MMD2: variants seen among roughly 807,000 people sequenced by gnomAD.
MMD2 encodes monocyte to macrophage differentiation associated 2.
In MMD2, 30 loss-of-function variants were observed where a neutral mutation model predicts 33.5. The observed-to-expected ratio is 0.90, with a 90% CI of 0.67 to 1.22. The LOEUF is 1.22. Ranked by LOEUF, MMD2 falls within the 50% of genes most tolerant of loss-of-function variation. The pLI is 0.00. For synonymous variants in MMD2, 129 were observed against 123.0 expected (o/e 1.05, Z -0.32); for missense variants, 364 against 325.4 (o/e 1.12, Z -0.91).
At chr7:4,894,191 C>T in the MMD2 span, among the ~76,000 whole-genome samples, 1 of 152,136 alleles carries the variant, frequency 6.6e-6, no homozygotes, top group African/African-American at 2.4e-5. This position sits in a 1 kb window ranked among gnomAD's most constrained non-coding sequence, Gnocchi z 4.3. Context: ...TCATAAAAGG[C>T]AACAGTCTCC....
intron 1 of MMD2, among the ~76,000 whole-genome samples, chr7:4,958,512 C>T (rs2942549): frequency 0.34 from 52,232 of 152,000 alleles, 10,242 homozygotes; most frequent in Non-Finnish European, 0.45. Flanking sequence ...TTACTCTTTC[C>T]TCCGACTTGC....
At position 4,929,495 on chromosome 7, in the gene MMD2, A is replaced by ATGTT. The variant is rs372195919; in HGVS notation, c.48-3967_48-3964dup. Among the ~76,000 whole-genome samples the ATGTT allele has an allele frequency of 3.6e-3, 546 of 151,716 alleles. 2 individuals are homozygous for ATGTT. Among genetic ancestry groups the ATGTT allele is most frequent in the African/African-American group, 0.012 (489 of 41,370 alleles). On this transcript the variant is annotated intron_variant, in intron 1 of 6. Transcript: ENST00000401401. The stretch of plus-strand genomic sequence containing the variant: ...AGCTGCCTGTGGCCAAGACTGGCTT[A>ATGTT]TGTTTGTTTGTTTGTTTGTTTTTTG...
intron 1 of MMD2, 36 bp downstream of exon 1, chr7:4,958,935 C>T (rs916799222): frequency 2.1e-5 from 27 of 1,290,416 alleles, no homozygotes; most frequent in Admixed American, 8.2e-5. Context: ...CGCGCCCCTC[C>T]CTCCCTCCCC....
Position 4,958,776 on chromosome 7 carries a change from G to A in MMD2, c.47+195C>T, listed in dbSNP as rs369939195. ...CCAATGGCACCCAGCGAGGAGGCGC[G>A]GGCGCCCCGGTTACTCCATCCCAGC... On this transcript the variant is annotated intron_variant, in intron 1 of 6. Coordinates refer to ENST00000401401, the MANE Select transcript of MMD2 (RefSeq NM_198403.4). Among the ~76,000 whole-genome samples, 6 of 152,316 alleles carry A rather than the reference G, an allele frequency of 3.9e-5. No homozygotes were observed. The South Asian group carries it at 8.3e-4, about 21-fold the overall frequency.
In MMD2 at chr7:4,911,073, G is replaced by C; in HGVS notation, c.467+72C>G. 4.7e-6 allele frequency: 6 copies of C among 1,268,198 alleles called. No homozygotes were observed. The South Asian group carries it at 7.7e-5, about 16-fold the overall frequency. 78.6% of individuals were successfully genotyped at this position (1,268,198 alleles called of 1,614,324 possible). A position where few individuals can be genotyped will look rare whatever the true frequency, so the allele number is the denominator to read the frequency against. On this transcript the variant is annotated intron_variant, in intron 5 of 6. Coordinates refer to ENST00000401401, the MANE Select transcript of MMD2 (RefSeq NM_198403.4). ...ATGAGATCATCCTGGACTCTCGGCA[G>C]CCCAGGAGTGCTGGGGAGGCCAGAG...
chr7:4,905,118 G>C (rs993761826), downstream of MMD2, among the ~76,000 whole-genome samples: 1 of 152,182 alleles, frequency 6.6e-6, no homozygotes, highest in African/African-American at 2.4e-5. The surrounding 1 kb of genome is among the most constrained non-coding windows in gnomAD (Gnocchi z 5.0). Context: ...ATGCCCAGGA[G>C]GAGGGGGCAC....
intron 1 of MMD2, among the ~76,000 whole-genome samples, chr7:4,926,075 G>T (rs902893051): frequency 6.6e-6 from 1 of 152,060 alleles, no homozygotes; most frequent in African/African-American, 2.4e-5. Context: ...CCAAGTGCTG[G>T]GATTACAGGC....
chr7:4,894,024 A>T, the MMD2 span, among the ~76,000 whole-genome samples: 21 of 152,000 alleles, frequency 1.4e-4, no homozygotes, highest in African/African-American at 4.8e-4. This position sits in a 1 kb window ranked among gnomAD's most constrained non-coding sequence, Gnocchi z 4.3. Context: ...CTCCTATCTC[A>T]TCCTGTGACT....
At chr7:4,930,936 C>T (rs987541635) in intron 1 of MMD2, among the ~76,000 whole-genome samples, 1 of 151,524 alleles carries the variant, frequency 6.6e-6, no homozygotes, top group African/African-American at 2.4e-5. Context: ...CTGCAACCTT[C>T]GCCTCCTGGG....
At chr7:4,916,153 C>T in intron 3 of MMD2, 74 bp from the exon 4 acceptor site, 3 of 1,426,586 alleles carry the variant, frequency 2.1e-6, no homozygotes, top group Admixed American at 3.5e-5. Flanking sequence ...GAGCCGTGCC[C>T]TGGACTGATC....
chr7:4,951,293 C>G (rs1212033710), intron 1 of MMD2, among the ~76,000 whole-genome samples: 1 of 152,036 alleles, frequency 6.6e-6, no homozygotes, highest in African/African-American at 2.4e-5. Context: ...CTTTTAAACC[C>G]TCAGTTTAAA....
downstream of MMD2, among the ~76,000 whole-genome samples, chr7:4,901,139 T>TA (rs34911631): frequency 0.32 from 42,376 of 133,996 alleles, 6,390 homozygotes; most frequent in East Asian, 0.48. Context: ...AAACACTATC[T>TA]AAAAAAAAAG....
chr7:4,915,064 G>A (rs1785106532), intron 4 of MMD2, among the ~76,000 whole-genome samples: 1 of 152,154 alleles, frequency 6.6e-6, no homozygotes, highest in African/African-American at 2.4e-5. Flanking sequence ...CTTGAGGCCA[G>A]GAGTTCAAGA....
intron 6 of MMD2, 118 bp from the exon 7 acceptor site, chr7:4,907,717 C>T (rs1784900068): frequency 4.5e-6 from 4 of 889,192 alleles, no homozygotes; most frequent in Admixed American, 2.2e-5. Context: ...CCAGCCCAGA[C>T]TCCCAGGTGG....
chr7:4,936,744 TA>T (rs557080618), intron 1 of MMD2, among the ~76,000 whole-genome samples: 19 of 152,158 alleles, frequency 1.2e-4, no homozygotes, highest in African/African-American at 4.3e-4. Flanking sequence ...TATTTTATTT[TA>T]TTTTTTTGAG....
At chr7:4,931,147 G>C (rs575337153) in intron 1 of MMD2, among the ~76,000 whole-genome samples, 1 of 152,152 alleles carries the variant, frequency 6.6e-6, no homozygotes, top group South Asian at 2.1e-4. Flanking sequence ...CACTGTGCCC[G>C]GCCTTTGTTG....
At chr7:4,942,569 A>G (rs1219360340) in intron 1 of MMD2, among the ~76,000 whole-genome samples, 2 of 150,406 alleles carry the variant, frequency 1.3e-5, no homozygotes, top group Non-Finnish European at 3.0e-5. Context: ...ACCCGGCCCT[A>G]GGAGGACATT....
chr7:4,937,342 A>T (rs1475309190), intron 1 of MMD2, among the ~76,000 whole-genome samples: 2 of 151,608 alleles, frequency 1.3e-5, no homozygotes, highest in African/African-American at 4.8e-5. Flanking sequence ...GGTTGCAGTG[A>T]GCCGGGATTG....
intron 1 of MMD2, among the ~76,000 whole-genome samples, chr7:4,935,267 C>T (rs1489298637): frequency 1.3e-5 from 2 of 152,004 alleles, no homozygotes; most frequent in Non-Finnish European, 2.9e-5. Context: ...GCGAGAGGAT[C>T]ATATGAGCCA....
Sources: allele counts gnomAD v4.1 joint callset (sites outside exome capture counted in the v4.1 genomes callset), GRCh38; gene constraint gnomAD v4.1.1; non-coding constraint Gnocchi (gnomAD v3.1); transcripts MANE v1.5; gene names NCBI Gene and HGNC (gene_info 2026-07-23, HGNC 2026-07-21).